Variants in CHD9 observed in about 807,000 individuals in gnomAD.
The protein encoded by CHD9 is chromodomain helicase DNA binding protein 9, also known as ATP-dependent chromatin remodeler CHD9.
CHD9 carries 77 observed loss-of-function variants against 316.1 expected under a neutral mutation model. The observed-to-expected ratio is 0.24, with a 90% CI of 0.20 to 0.29. The LOEUF is 0.29. Ranked by LOEUF, CHD9 falls within the 10% of genes least tolerant of loss-of-function variation. The pLI, the probability that CHD9 is intolerant of heterozygous loss-of-function variation, is 1.00. For synonymous variants in CHD9, 1,129 were observed against 1,158.3 expected (o/e 0.97, Z 0.51); for missense variants, 2,763 against 3,438.1 (o/e 0.80, Z 4.91).
At chr16:53,122,781 A>C (rs1253138915) in intron 1 of CHD9, among the ~76,000 whole-genome samples, 1 of 151,850 alleles carries the variant, frequency 6.6e-6, no homozygotes, top group East Asian at 1.9e-4. Context: ...ATCTCCTCTC[A>C]CTGCAAGCTC....
intron 34 of CHD9, among the ~76,000 whole-genome samples, chr16:53,312,180 T>C (rs1231397552): frequency 6.6e-6 from 1 of 152,168 alleles, no homozygotes; most frequent in East Asian, 1.9e-4. Context: ...GATAATTATA[T>C]TAAGTACTTC....
At chr16:53,317,720 T>A (rs2056988575) in intron 36 of CHD9, among the ~76,000 whole-genome samples, 1 of 152,112 alleles carries the variant, frequency 6.6e-6, no homozygotes, top group African/African-American at 2.4e-5. Context: ...ACTTTTTTAA[T>A]GAATAGTTTG....
intron 2 of CHD9, among the ~76,000 whole-genome samples, chr16:53,180,968 C>T (rs1050862151): frequency 2.0e-5 from 3 of 152,016 alleles, no homozygotes; most frequent in Non-Finnish European, 4.4e-5. Flanking sequence ...AGCCACCTCG[C>T]CCAGCCTGAA....
intron 38 of CHD9, among the ~76,000 whole-genome samples, chr16:53,322,148 C>G (rs1441258024): frequency 2.6e-5 from 4 of 151,380 alleles, no homozygotes; most frequent in Admixed American, 6.6e-5. Context: ...TAGGTGCCAC[C>G]AACACACCCT....
intron 20 of CHD9, among the ~76,000 whole-genome samples, chr16:53,265,719 A>G (rs776350152): frequency 1.3e-5 from 2 of 152,106 alleles, no homozygotes; most frequent in Non-Finnish European, 2.9e-5. Flanking sequence ...TTTCACAAAT[A>G]TTTGGGTGGG....
At chr16:53,241,682 A>G (rs1227602684) in intron 12 of CHD9, among the ~76,000 whole-genome samples, 1 of 152,202 alleles carries the variant, frequency 6.6e-6, no homozygotes, top group Non-Finnish European at 1.5e-5. Flanking sequence ...ATACTTATCC[A>G]TTGGGAAATC....
In CHD9 at chr16:53,304,010, A is replaced by G. The variant is rs1240607559; in HGVS notation, c.6004A>G (p.Ser2002Gly). 5 of 1,613,910 alleles carry G rather than the reference A, an allele frequency of 3.1e-6. No homozygotes were observed. The highest frequency in any genetic ancestry group is 2.7e-5 in the African/African-American group (2 of 74,938). The change falls in exon 31 of 39, where the codon AGT becomes GGT. Residue 2002 changes from serine (S) to glycine (G), a missense_variant. By Grantham distance (56) the Ser-to-Gly change is moderately conservative. This residue lies in a region of CHD9 where 663 missense variants were observed against 751.2 expected (regional missense o/e 0.88). Coordinates refer to ENST00000447540, the MANE Select transcript of CHD9 (RefSeq NM_001308319.2). Reference sequence around the variant, plus strand: ...ATTTATGGCAGCTCAGAGGAACTACAGTCAAAGTAAGATGGCTCATTCAAG... The same window carrying G: ...ATTTATGGCAGCTCAGAGGAACTACGGTCAAAGTAAGATGGCTCATTCAAG... ...LSFMAAQRNYSQSKMAHSRTS... is the reference protein window; with the variant it reads ...LSFMAAQRNYGQSKMAHSRTS...
At chr16:53,149,865 CT>C (rs1434184773) in intron 1 of CHD9, among the ~76,000 whole-genome samples, 2 of 151,704 alleles carry the variant, frequency 1.3e-5, no homozygotes, top group African/African-American at 2.4e-5. Flanking sequence ...GCAAGGCCCT[CT>C]TGTAACCTTT....
chr16:53,222,519 A>G (rs1597496550), intron 3 of CHD9, 125 bp from the exon 4 acceptor site: 3 of 595,094 alleles, frequency 5.0e-6, no homozygotes, highest in Non-Finnish European at 9.2e-6. Flanking sequence ...CAGGATGATT[A>G]TCATCCTTGG....
Position 53,209,562 on chromosome 16 carries a change from G to A in CHD9, c.1533G>A (p.Lys511=), listed in dbSNP as rs757930968. ...QNTQVRVMSE[K]KQRKKVESES... is the part of the protein sequence containing the mutation. ...CCCAGGTGAGGGTCATGTCTGAGAA[G>A]AAGCAGAGAAAAAAGGTGGAATCAG... The change falls in exon 3 of 39, where the codon AAG becomes AAA. Residue 511 remains lysine (K), a synonymous_variant. Transcript: ENST00000447540. 1.9e-6 allele frequency: 3 copies of A among 1,613,754 alleles called. No individual in the cohort carries two copies. The South Asian group carries it at 3.3e-5, about 18-fold the overall frequency.
At chr16:53,218,742 A>T (rs2046980922) in intron 3 of CHD9, among the ~76,000 whole-genome samples, 1 of 152,166 alleles carries the variant, frequency 6.6e-6, no homozygotes, top group Non-Finnish European at 1.5e-5. Context: ...ATACCTTTTT[A>T]AGCAATATAT....
Position 53,235,284 on chromosome 16 carries a change from C to T in CHD9, c.2611C>T (p.Leu871Phe), listed in dbSNP as rs375581941. 2 of 1,547,832 alleles carry T rather than the reference C, an allele frequency of 1.3e-6. No individual in the cohort carries two copies. The highest frequency in any genetic ancestry group is 2.7e-5 in the African/African-American group (2 of 72,888). Residue 871 changes from leucine to phenylalanine, a missense_variant, in exon 11 of 39, where the codon CTC becomes TTC. Transcript: ENST00000447540. ...REYQLEGLNW[L>F]LFNWYNRRNC... is the part of the protein sequence containing the mutation. ...ATATCAACTGGAAGGACTCAACTGG[C>T]TCTTGTTCAATTGGTACAATAGGTA...
intron 19 of CHD9, among the ~76,000 whole-genome samples, chr16:53,259,995 G>C (rs1230572513): frequency 1.3e-5 from 2 of 152,136 alleles, no homozygotes; most frequent in East Asian, 3.8e-4. Context: ...AGATATTAAA[G>C]TATCATATAT....
At chr16:53,251,638 T>TCAG (rs1175465987) in intron 17 of CHD9, among the ~76,000 whole-genome samples, 1 of 152,184 alleles carries the variant, frequency 6.6e-6, no homozygotes, top group Non-Finnish European at 1.5e-5. Context: ...CTGAAGATAA[T>TCAG]GGAAAGGTGA....
At chr16:53,247,683 G>T (rs903165399) in intron 16 of CHD9, 180 bp downstream of exon 16, 5 of 566,394 alleles carry the variant, frequency 8.8e-6, no homozygotes, top group African/African-American at 1.9e-5. Context: ...ACCTGCATAT[G>T]TTGCAATATT....
Position 53,226,459 on chromosome 16 carries a change from A to G in CHD9, c.1990A>G (p.Ile664Val). 6.2e-7 allele frequency: 1 copy of G among 1,607,954 alleles called. No homozygotes were observed. The highest frequency in any genetic ancestry group is 8.5e-7 in the Non-Finnish European group (1 of 1,178,430). ...AGAAGAGGTTAAAGGTTCTATGAAAATAAAAAAGAATTCAGCTCCTTTACC... is the reference window on the plus strand; with the variant it reads ...AGAAGAGGTTAAAGGTTCTATGAAAGTAAAAAAGAATTCAGCTCCTTTACC... The part of the protein sequence containing the change: ...SEEEVKGSMK[I>V]KKNSAPLPGE... Residue 664 changes from isoleucine (I) to valine (V), a missense_variant, in exon 5 of 39, where the codon ATA (isoleucine) becomes GTA (valine). Around this residue, in one of 15 missense-constraint regions of CHD9, gnomAD observed 859 missense variants for 890.4 expected, o/e 0.96. Transcript: ENST00000447540.
At chr16:53,302,381 C>T (rs2055524224) in intron 30 of CHD9, among the ~76,000 whole-genome samples, 1 of 152,122 alleles carries the variant, frequency 6.6e-6, no homozygotes, top group African/African-American at 2.4e-5. Context: ...GGATTGAGGT[C>T]ATGCATTTTT....
Position 53,157,024 on chromosome 16 carries a change from C to A in CHD9, c.935C>A (p.Ser312Ter). The change falls in exon 2 of 39, where the codon TCA becomes TAA. Residue 312 changes from serine (S) to a stop codon, truncating the protein, a stop_gained. Coordinates refer to ENST00000447540, the MANE Select transcript of CHD9 (RefSeq NM_001308319.2). LOFTEE classifies it high-confidence loss of function. ...GATTTTACTGGAAGTAATTCCTTTT[C>A]ACCTCATAGAGGAATCAAGCAAGAA... The part of the protein sequence containing the change: ...LSDFTGSNSF[S>*]PHRGIKQEST... 6.2e-7 allele frequency: 1 copy of A among 1,612,718 alleles called. No homozygotes were observed. The highest frequency in any genetic ancestry group is 1.1e-5 in the South Asian group (1 of 91,042).
chr16:53,299,665 G>C, intron 30 of CHD9: 1 of 347,882 alleles, frequency 2.9e-6, no homozygotes, highest in Non-Finnish European at 5.5e-6. Context: ...AAGATCGAGG[G>C]CCTCCATGGC....
Sources: allele counts gnomAD v4.1 joint callset (sites outside exome capture counted in the v4.1 genomes callset), GRCh38; gene constraint gnomAD v4.1.1; regional missense constraint gnomAD v4.1.1; transcripts MANE v1.5; gene names NCBI Gene and HGNC (gene_info 2026-07-23, HGNC 2026-07-21).